The following POLA1 variants were observed in gnomAD, a reference collection of about 807,000 sequenced individuals.
The protein encoded by POLA1 is DNA polymerase alpha 1, catalytic subunit.
A neutral mutation model predicts 124.0 loss-of-function variants in POLA1; 15 were observed. The observed-to-expected ratio is 0.12, with a 90% CI of 0.08 to 0.19. The LOEUF is 0.19. Among genes scored for constraint, POLA1 ranks in the 10% least tolerant of loss-of-function variants. The probability of loss-of-function intolerance (pLI) is 1.00; values close to 1 mark genes in which losing one functional copy is unlikely to be tolerated. For synonymous variants in POLA1, 408 were observed against 389.4 expected, an observed-to-expected ratio of 1.05 and a Z score of -0.56; for missense variants, 886 against 1,103.4, an observed-to-expected ratio of 0.80 and a Z score of 2.79.
chrX:24,814,936 A>G lies in POLA1; in HGVS notation c.3297-43A>G, dbSNP rs751727811. 2.3e-5 allele frequency: 26 copies of G among 1,110,923 alleles called. No individual in the cohort carries two copies. The Admixed American group carries it at 7.7e-4, about 33-fold the overall frequency. The allele number at this position is 1,110,923 out of a possible 1,213,427, so 91.6% of individuals were successfully genotyped here. On this transcript the variant is annotated intron_variant, in intron 29 of 36. Transcript: ENST00000379068. ...CTTTACTAGTAAAATATATTAAAAA[A>G]TCAACTGCTGTCTTTGTTTTGTTTT...
At chrX:24,821,214 T>TTCTTTTTTGTTGGGGTTGC (rs750649070) in intron 30 of POLA1, among the ~76,000 whole-genome samples, 181 of 112,185 alleles carry the variant, frequency 1.6e-3, no homozygotes, top group African/African-American at 5.4e-3. Context: ...TATGGCCCAT[T>TTCTTTTTTGTTGGGGTTGC]AACTTATATT....
intron 35 of POLA1, among the ~76,000 whole-genome samples, chrX:24,918,480 T>A (rs1445336636): frequency 1.8e-5 from 2 of 111,882 alleles, no homozygotes; most frequent in Non-Finnish European, 3.8e-5. Flanking sequence ...AGCAAACATA[T>A]ACCAGCTACT....
rs371397622 is a variant in POLA1, at chrX:24,959,381, T to C, written c.4261+28832T>C. ...CAGGAGGCTGAGGCATGAGAATCAC[T>C]TGAACCCAGGATGTGGAGGTTGCAG... On this transcript the variant is annotated intron_variant, in intron 36 of 36. Coordinates refer to ENST00000379068, the MANE Select transcript of POLA1 (RefSeq NM_001330360.2). Among the ~76,000 whole-genome samples the C allele has an allele frequency of 6.3e-4, 69 of 109,923 alleles. No individual in the cohort carries two copies. In the South Asian group the frequency reaches 0.027, roughly 43 times the overall value.
Position 24,985,708 on chromosome X carries a change from C to A in POLA1, c.4262-10097C>A, listed in dbSNP as rs776279717. On this transcript the variant is annotated intron_variant, in intron 36 of 36. Coordinates refer to ENST00000379068, the MANE Select transcript of POLA1 (RefSeq NM_001330360.2). ...AAAGGAAATGCTCATTGGAGCATTTCAGAGTTCAGATTTTCGGATGTTCAG... is the reference window on the plus strand; with the variant it reads ...AAAGGAAATGCTCATTGGAGCATTTAAGAGTTCAGATTTTCGGATGTTCAG... Among the ~76,000 whole-genome samples, 6 of 112,348 alleles carry A rather than the reference C, an allele frequency of 5.3e-5. No individual in the cohort carries two copies. In the East Asian group the frequency reaches 1.7e-3, roughly 31 times the overall value.
At chrX:24,877,723 G>A (rs571600033) in intron 34 of POLA1, among the ~76,000 whole-genome samples, 4 of 111,752 alleles carry the variant, frequency 3.6e-5, no homozygotes, top group African/African-American at 1.3e-4. Flanking sequence ...GATTAGAAGT[G>A]TCTCTCTGAA....
chrX:24,965,055 A>G (rs1601914052), intron 36 of POLA1, among the ~76,000 whole-genome samples: 1 of 111,813 alleles, frequency 8.9e-6, no homozygotes, highest in South Asian at 3.8e-4. Context: ...AAATCCCCCT[A>G]TATCAGATCA....
Position 24,748,968 on chromosome X carries a change from C to G in POLA1, c.2940C>G (p.Ala980=), listed in dbSNP as rs1373858618. 1.7e-6 allele frequency: 2 copies of G among 1,200,736 alleles called. No homozygotes were observed. The highest frequency in any genetic ancestry group is 2.3e-6 in the Non-Finnish European group (2 of 887,015). ...GATTTTACGCCAAACCACTGGCTGC[C>G]TTGGTGACATACAAAGGAAGGGAGG... ...YSRFYAKPLA[A]LVTYKGREIL... Residue 980 remains alanine (A), a synonymous_variant, in exon 26 of 37, where the codon GCC becomes GCG. Coordinates refer to ENST00000379068, the MANE Select transcript of POLA1 (RefSeq NM_001330360.2).
At chrX:24,740,352 ACTT>A (rs897132708) in intron 20 of POLA1, among the ~76,000 whole-genome samples, 2 of 111,266 alleles carry the variant, frequency 1.8e-5, no homozygotes, top group African/African-American at 6.5e-5. Context: ...AAGTCTGACC[ACTT>A]CTTTTCAACT....
At chrX:24,993,653 G>C (rs752175552) in intron 36 of POLA1, among the ~76,000 whole-genome samples, 2 of 111,928 alleles carry the variant, frequency 1.8e-5, no homozygotes, top group South Asian at 7.6e-4. Context: ...AAACCAGGAA[G>C]GGGTGACTCC....
intron 32 of POLA1, among the ~76,000 whole-genome samples, chrX:24,831,211 A>T (rs2046255712): frequency 9.0e-6 from 1 of 111,055 alleles, no homozygotes; most frequent in Non-Finnish European, 1.9e-5. Context: ...GGGCCAAGCG[A>T]TGTTTGGGGG....
rs775109497 is a variant in POLA1, at chrX:24,717,480, C to G, written c.897C>G (p.Thr299=). 8.3e-7 allele frequency: 1 copy of G among 1,209,110 alleles called. No individual in the cohort carries two copies. The highest frequency in any genetic ancestry group is 3.0e-5 in the East Asian group (1 of 33,845). Residue 299 remains threonine (T), a synonymous_variant, in exon 9 of 37, where the codon ACC becomes ACG. Coordinates refer to ENST00000379068, the MANE Select transcript of POLA1 (RefSeq NM_001330360.2). ...VKQEADSGKG[T]VSYLGSFLPD... ...AAGAGGCGGATTCTGGGAAAGGGAC[C>G]GTGTCCTACTTGTAAGAGCATTTTA...
At chrX:24,809,987 T>C (rs1026124323) in intron 27 of POLA1, 57 bp downstream of exon 27, 9 of 742,315 alleles carry the variant, frequency 1.2e-5, no homozygotes, top group African/African-American at 2.1e-5. Context: ...GTAACGTTTT[T>C]GTATTCAAGG....
At chrX:24,871,579 G>A (rs2046864447) in intron 34 of POLA1, among the ~76,000 whole-genome samples, 1 of 110,952 alleles carries the variant, frequency 9.0e-6, no homozygotes, top group Admixed American at 9.6e-5. Flanking sequence ...AAGGCTTATG[G>A]GGAACCTTAT....
At chrX:24,789,136 A>G (rs2045441060) in intron 26 of POLA1, 3 of 1,012,626 alleles carry the variant, frequency 3.0e-6, no homozygotes, top group Admixed American at 2.3e-5. Context: ...TCTGTTCTAC[A>G]TAGTAGTGGA....
chrX:24,837,803 G>A (rs2046361894), intron 32 of POLA1, among the ~76,000 whole-genome samples: 1 of 111,554 alleles, frequency 9.0e-6, no homozygotes, highest in Non-Finnish European at 1.9e-5. Context: ...GTAAATACCA[G>A]TTACTCCCTT....
chrX:24,694,037 T>C, intron 1 of POLA1, 33 bp downstream of exon 1: 3 of 1,137,849 alleles, frequency 2.6e-6, no homozygotes, highest in Non-Finnish European at 3.5e-6. Flanking sequence ...GGGCTCCGGG[T>C]TGGGACAGTG....
intron 29 of POLA1, 31 bp from the exon 30 acceptor site, chrX:24,814,948 C>CTT: frequency 3.0e-6 from 3 of 1,003,194 alleles, no homozygotes; most frequent in Admixed American, 3.3e-5. Flanking sequence ...CAACTGCTGT[C>CTT]TTTGTTTTGT....
intron 11 of POLA1, 34 bp downstream of exon 11, chrX:24,723,301 C>T (rs1555976009): frequency 4.5e-6 from 4 of 885,228 alleles, no homozygotes; most frequent in Non-Finnish European, 6.7e-6. Context: ...AGTTCTCAGT[C>T]GTTGTATCTG....
At chrX:24,883,872 T>A (rs1015406285) in intron 34 of POLA1, among the ~76,000 whole-genome samples, 2 of 111,636 alleles carry the variant, frequency 1.8e-5, no homozygotes, top group African/African-American at 6.5e-5. Flanking sequence ...GGTTGAGTAG[T>A]TCCAAGGAAC....
Sources: gnomAD v4.1 joint callset for allele counts (sites outside exome capture counted in the v4.1 genomes callset) on GRCh38, gnomAD v4.1.1 for gene constraint, MANE v1.5 for transcripts, NCBI Gene and HGNC (gene_info 2026-07-23, HGNC 2026-07-21) for gene names.